Variants in SLC16A13 observed in about 807,000 individuals in gnomAD.
SLC16A13 encodes monocarboxylate transporter 13.
In SLC16A13, 28 loss-of-function variants were observed where a neutral mutation model predicts 28.1. The ratio of observed to expected loss-of-function variants is 1.00; its 90% CI spans 0.74 to 1.37. The LOEUF is 1.37. Among genes scored for constraint, SLC16A13 ranks in the 40% most tolerant of loss-of-function variants. SLC16A13 has a pLI of 0.00. For missense variants in SLC16A13, 482 were observed against 531.8 expected (o/e 0.91, Z 0.92); for synonymous variants, 228 against 241.6 (o/e 0.94, Z 0.52).
In SLC16A13 at chr17:7,038,043, C is replaced by A. The variant is rs955540645; in HGVS notation, c.344-109C>A. On this transcript the variant is annotated intron_variant, in intron 2 of 3. Transcript: ENST00000308027. This position sits in a 1 kb window ranked among gnomAD's most constrained non-coding sequence, Gnocchi z 5.7. ...TCCAAGCCAAGATTGTATCCCAGGT[C>A]TGTGGGACTCCGAAGCAAGTGCTAC... 1 of 1,299,052 alleles carries A rather than the reference C, an allele frequency of 7.7e-7. No homozygotes were observed. Among genetic ancestry groups the A allele is most frequent in the Non-Finnish European group, 1.1e-6 (1 of 942,412 alleles). 80.5% of individuals were successfully genotyped at this position (1,299,052 alleles called of 1,614,324 possible).
chr17:7,037,224 C>G (rs1294408237), intron 2 of SLC16A13, among the ~76,000 whole-genome samples: 3 of 144,088 alleles, frequency 2.1e-5, no homozygotes, highest in Non-Finnish European at 4.6e-5. Flanking sequence ...TGGCGCTAAT[C>G]CCAGTTACTC....
At position 7,038,671 on chromosome 17, in the gene SLC16A13, C is replaced by A; in HGVS notation, c.863C>A (p.Thr288Asn). 1 of 1,614,208 alleles carries A rather than the reference C, an allele frequency of 6.2e-7. No homozygotes were observed. The highest frequency in any genetic ancestry group is 1.1e-5 in the South Asian group (1 of 91,080). ...GPVTRLLMLW[T>N]TLTGVSLALF... ...GTGACACGACTCCTGATGCTCTGGA[C>A]CACCTTGACTGGGGTGTCACTAGCC... The change falls in exon 3 of 4, where the codon ACC becomes AAC. Residue 288 changes from threonine to asparagine, a missense_variant. By Grantham distance (65) the Thr-to-Asn change is moderately conservative. Coordinates refer to ENST00000308027, the MANE Select transcript of SLC16A13 (RefSeq NM_201566.3). The surrounding 1 kb of genome is among the most constrained non-coding windows in gnomAD (Gnocchi z 5.7).
Position 7,038,682 on chromosome 17 carries a change from G to A in SLC16A13, c.874G>A (p.Gly292Arg). ...RLLMLWTTLT[G>R]VSLALFPVAQ... ...CCTGATGCTCTGGACCACCTTGACT[G>A]GGGTGTCACTAGCCCTGTTCCCTGT... Residue 292 changes from glycine to arginine, a missense_variant, in exon 3 of 4, where the codon GGG becomes AGG. Transcript: ENST00000308027. The surrounding 1 kb of genome is among the most constrained non-coding windows in gnomAD (Gnocchi z 5.7). The A allele has an allele frequency of 2.5e-6, 4 of 1,614,198 alleles. No homozygotes were observed. The highest frequency in any genetic ancestry group is 3.4e-6 in the Non-Finnish European group (4 of 1,180,020).
Position 7,038,606 on chromosome 17 carries a change from T to C in SLC16A13, c.798T>C (p.Arg266=), listed in dbSNP as rs375801566. The change falls in exon 3 of 4, where the codon CGT becomes CGC. Residue 266 remains arginine (R), a synonymous_variant. Transcript: ENST00000308027. This position sits in a 1 kb window ranked among gnomAD's most constrained non-coding sequence, Gnocchi z 5.7. ...TTGCTATTTCTGACCTCGTGGGGCG[T>C]GTGGTCTCCGGATGGCTGGGAGATG... ...SVVAISDLVG[R]VVSGWLGDAV... 5.0e-4 allele frequency: 808 copies of C among 1,614,094 alleles called. 6 individuals are homozygous for C. In the South Asian group the frequency reaches 6.0e-3, roughly 12 times the overall value.
Position 7,036,866 on chromosome 17 carries a change from G to T in SLC16A13, c.339G>T (p.Leu113=). ...ACCTATACCTGAGTATTGGGTTGCTGTCAGGTGAGAGCCTGCACAAGGGCA... is the reference window on the plus strand; with the variant it reads ...ACCTATACCTGAGTATTGGGTTGCTTTCAGGTGAGAGCCTGCACAAGGGCA... ...LTHLYLSIGL[L]SGSGWALTFA... The change falls in exon 2 of 4, where the codon CTG becomes CTT. Residue 113 remains leucine, a synonymous_variant. Coordinates refer to ENST00000308027, the MANE Select transcript of SLC16A13 (RefSeq NM_201566.3). 1 of 1,612,326 alleles carries T rather than the reference G, an allele frequency of 6.2e-7. No individual in the cohort carries two copies.
In SLC16A13 at chr17:7,037,257, G is replaced by T. The variant is rs1437984322; in HGVS notation, c.343+387G>T. On this transcript the variant is annotated intron_variant, in intron 2 of 3. Transcript: ENST00000308027. ...CTCGGGAGGCTGAGGCAGGAGAATC[G>T]CTTGAACCCGGGAGGCGGAGGTTGC... Among the ~76,000 whole-genome samples, 3 of 140,604 alleles carry T rather than the reference G, an allele frequency of 2.1e-5. 1 individual carries two copies. Among genetic ancestry groups the T allele is most frequent in the Non-Finnish European group, 4.7e-5 (3 of 64,358 alleles). The allele number at this position is 140,604 out of a possible 152,430, so 92.2% of individuals were successfully genotyped here.
In SLC16A13 at chr17:7,036,473, C is replaced by A; in HGVS notation, c.91C>A (p.Leu31Ile). ...FFQSALVFGVLRSFGVFFVEF... is the reference protein window; with the variant it reads ...FFQSALVFGVIRSFGVFFVEF... ...CCAGTCGGCGCTTGTGTTTGGGGTGCTCCGCTCCTTTGGGGTCTTCTTCGT... is the reference window on the plus strand; with the variant it reads ...CCAGTCGGCGCTTGTGTTTGGGGTGATCCGCTCCTTTGGGGTCTTCTTCGT... Residue 31 changes from leucine (L) to isoleucine (I), a missense_variant, in exon 1 of 4, where the codon CTC becomes ATC. By Grantham distance (5) the Leu-to-Ile change is conservative. Transcript: ENST00000308027. 1 of 1,612,392 alleles carries A rather than the reference C, an allele frequency of 6.2e-7. No homozygotes were observed.
Position 7,036,274 on chromosome 17 carries a change from CCT to C in SLC16A13, c.-105_-104del, listed in dbSNP as rs1910576255. On this transcript the variant is annotated 5_prime_UTR_variant, in exon 1 of 4. Transcript: ENST00000308027. ...TTCCTCTCTACCTGCCTCTCCAACCCCTCTCGGCCCCGAGCCACCCGGCAGCG... is the reference window on the plus strand; with the variant it reads ...TTCCTCTCTACCTGCCTCTCCAACCCCTCGGCCCCGAGCCACCCGGCAGCG... 8.7e-7 allele frequency: 1 copy of C among 1,152,990 alleles called. No homozygotes were observed. The highest frequency in any genetic ancestry group is 1.5e-5 in the African/African-American group (1 of 64,746). 71.4% of individuals were successfully genotyped at this position (1,152,990 alleles called of 1,614,324 possible).
At position 7,036,496 on chromosome 17, in the gene SLC16A13, C is replaced by G; in HGVS notation, c.114C>G (p.Phe38Leu). The change falls in exon 1 of 4, where the codon TTC (phenylalanine) becomes TTG (leucine). Residue 38 changes from phenylalanine (F) to leucine (L), a missense_variant. Transcript: ENST00000308027. Reference protein sequence around the residue: ...FGVLRSFGVFFVEFVAAFEEQ... With the variant: ...FGVLRSFGVFLVEFVAAFEEQ... ...TGCTCCGCTCCTTTGGGGTCTTCTT[C>G]GTGGAGTTTGTGGCGGCGTTTGAGG... is the stretch of plus-strand genomic sequence containing the variant. 1.2e-6 allele frequency: 2 copies of G among 1,612,488 alleles called. No homozygotes were observed. The highest frequency in any genetic ancestry group is 1.1e-5 in the South Asian group (1 of 91,004).
chr17:7,036,563 G>A lies in SLC16A13; in HGVS notation c.181G>A (p.Ala61Thr), dbSNP rs777903029. The A allele has an allele frequency of 6.2e-7, 1 of 1,612,444 alleles. No individual in the cohort carries two copies. The highest frequency in any genetic ancestry group is 2.2e-4 in the Middle Eastern group (1 of 4,580). The change falls in exon 1 of 4, where the codon GCG becomes ACG. Residue 61 changes from alanine to threonine, a missense_variant. Ala to Thr is a moderately conservative substitution (Grantham distance 58, BLOSUM62 0). Coordinates refer to ENST00000308027, the MANE Select transcript of SLC16A13 (RefSeq NM_201566.3). ...RVSWIASIGI[A>T]VQQFGSPVGS... ...CTCCTGGATCGCCTCCATAGGAATCGCGGTGCAGCAGTTTGGGAGTGAGTG... is the reference window on the plus strand; with the variant it reads ...CTCCTGGATCGCCTCCATAGGAATCACGGTGCAGCAGTTTGGGAGTGAGTG...
chr17:7,036,415 C>T lies in SLC16A13; in HGVS notation c.33C>T (p.Gly11=). The T allele has an allele frequency of 8.7e-6, 14 of 1,611,876 alleles. No homozygotes were observed. The highest frequency in any genetic ancestry group is 1.3e-5 in the African/African-American group (1 of 74,908). The part of the protein sequence containing the change: MARRTEPPDG[G]WGWVVVLSAF... ...GCAGGACAGAGCCCCCCGACGGGGGCTGGGGATGGGTGGTGGTGCTCTCAG... is the reference window on the plus strand; with the variant it reads ...GCAGGACAGAGCCCCCCGACGGGGGTTGGGGATGGGTGGTGGTGCTCTCAG... The change falls in exon 1 of 4, where the codon GGC becomes GGT. Residue 11 remains glycine (G), a synonymous_variant. Coordinates refer to ENST00000308027, the MANE Select transcript of SLC16A13 (RefSeq NM_201566.3).
chr17:7,038,920 G>A lies in SLC16A13; in HGVS notation c.1081+31G>A, dbSNP rs758183255. 2.5e-6 allele frequency: 4 copies of A among 1,573,650 alleles called. No homozygotes were observed. The highest frequency in any genetic ancestry group is 2.4e-5 in the South Asian group (2 of 84,654). ...TGGAATGGGGTTCCCAGGGGGTGAGGGCTGCCATGTTGCACAACTAGGGGA... is the reference window on the plus strand; with the variant it reads ...TGGAATGGGGTTCCCAGGGGGTGAGAGCTGCCATGTTGCACAACTAGGGGA... On this transcript the variant is annotated intron_variant, in intron 3 of 3. Transcript: ENST00000308027. The surrounding 1 kb of genome is among the most constrained non-coding windows in gnomAD (Gnocchi z 5.7).
In SLC16A13 at chr17:7,039,933, C is replaced by T; in HGVS notation, c.1252C>T (p.Leu418=). The change falls in exon 4 of 4, where the codon CTA becomes TTA. Residue 418 remains leucine (L), a synonymous_variant. Coordinates refer to ENST00000308027, the MANE Select transcript of SLC16A13 (RefSeq NM_201566.3). This position sits in a 1 kb window ranked among gnomAD's most constrained non-coding sequence, Gnocchi z 4.3. ...AGAAGCACTAGATACTAAAGTTCCC[C>T]TACCCAAGGAGGGGCTGGAAGAGGA... ...VTEALDTKVP[L]PKEGLEED is the part of the protein sequence containing the mutation. 1 of 1,614,002 alleles carries T rather than the reference C, an allele frequency of 6.2e-7. No homozygotes were observed. Among genetic ancestry groups the T allele is most frequent in the East Asian group, 2.2e-5 (1 of 44,874 alleles).
Position 7,039,752 on chromosome 17 carries a change from C to G in SLC16A13, c.1082-11C>G. 6.2e-7 allele frequency: 1 copy of G among 1,614,096 alleles called. No homozygotes were observed. The highest frequency in any genetic ancestry group is 2.2e-5 in the East Asian group (1 of 44,884). On this transcript the variant is annotated splice_polypyrimidine_tract_variant and intron_variant, in intron 3 of 3. Coordinates refer to ENST00000308027, the MANE Select transcript of SLC16A13 (RefSeq NM_201566.3). This position sits in a 1 kb window ranked among gnomAD's most constrained non-coding sequence, Gnocchi z 4.3. ...TCACTCATGTGTATTCTTTTTCTCTCTTGGACCTAGGCTACCTCCGGGATG... is the reference window on the plus strand; with the variant it reads ...TCACTCATGTGTATTCTTTTTCTCTGTTGGACCTAGGCTACCTCCGGGATG...
In SLC16A13 at chr17:7,036,734, A is replaced by C. The variant is rs200880566; in HGVS notation, c.207A>C (p.Val69=). The C allele has an allele frequency of 2.6e-4, 418 of 1,612,642 alleles. No individual in the cohort carries two copies. The highest frequency in any genetic ancestry group is 3.4e-4 in the Non-Finnish European group (396 of 1,180,010). The change falls in exon 2 of 4, where the codon GTA becomes GTC. Residue 69 remains valine, a synonymous_variant. Coordinates refer to ENST00000308027, the MANE Select transcript of SLC16A13 (RefSeq NM_201566.3). The part of the protein sequence containing the change: ...GIAVQQFGSP[V]GSALSTKFGP... ...CCCCTTCCACTTCCTCAGGCCCGGT[A>C]GGCAGTGCCCTGAGCACGAAGTTCG...
chr17:7,036,126 T>C lies in SLC16A13; in HGVS notation c.-257T>C, dbSNP rs1037639488. On this transcript the variant is annotated 5_prime_UTR_variant, in exon 1 of 4. Transcript: ENST00000308027. ...CGGCCCCGGCTTGAACTAGCTCAGCTCCGAGCTCGCGGAACCACGCCCCCG... is the reference window on the plus strand; with the variant it reads ...CGGCCCCGGCTTGAACTAGCTCAGCCCCGAGCTCGCGGAACCACGCCCCCG... 19 of 450,138 alleles carry C rather than the reference T, an allele frequency of 4.2e-5. No individual in the cohort carries two copies. Among genetic ancestry groups the C allele is most frequent in the Non-Finnish European group, 7.5e-5 (19 of 252,792 alleles). 27.9% of individuals were successfully genotyped at this position (450,138 alleles called of 1,614,324 possible).
At position 7,040,006 on chromosome 17, in the gene SLC16A13, AG is replaced by A. The variant is rs1910680547; in HGVS notation, c.*46del. 6.4e-7 allele frequency: 1 copy of A among 1,567,638 alleles called. No homozygotes were observed. Among genetic ancestry groups the A allele is most frequent in the Non-Finnish European group, 8.7e-7 (1 of 1,146,154 alleles). On this transcript the variant is annotated 3_prime_UTR_variant, in exon 4 of 4. Coordinates refer to ENST00000308027, the MANE Select transcript of SLC16A13 (RefSeq NM_201566.3). ...CAGAAAGCCAAAGCTTGACAGCTCC[AG>A]GTCTTCTCTTGCCACGTCTTGGTCT...
intron 2 of SLC16A13, 84 bp downstream of exon 2, chr17:7,036,954 G>T (rs1460871804): frequency 6.6e-7 from 1 of 1,522,324 alleles, no homozygotes; most frequent in Non-Finnish European, 8.8e-7. Flanking sequence ...AAAGGGTTCG[G>T]GGAGAAGCTG....
In SLC16A13 at chr17:7,036,103, G is replaced by T. The variant is rs184302953; in HGVS notation, c.-280G>T. 420 of 373,038 alleles carry T rather than the reference G, an allele frequency of 1.1e-3. 4 individuals are homozygous for T. Among genetic ancestry groups the T allele is most frequent in the African/African-American group, 7.5e-3 (365 of 48,742 alleles). 23.1% of individuals were successfully genotyped at this position (373,038 alleles called of 1,614,324 possible). ...CGAACACCGAACCGGGACCGATCCG[G>T]CCCCGGCTTGAACTAGCTCAGCTCC... On this transcript the variant is annotated 5_prime_UTR_variant, in exon 1 of 4. Transcript: ENST00000308027.
Sources: gnomAD v4.1 joint callset for allele counts (sites outside exome capture counted in the v4.1 genomes callset) on GRCh38, gnomAD v4.1.1 for gene constraint, Gnocchi (gnomAD v3.1) non-coding constraint, MANE v1.5 for transcripts, NCBI Gene and HGNC (gene_info 2026-07-23, HGNC 2026-07-21) for gene names.